The following TBC1D30 variants were observed in gnomAD, a reference collection of about 807,000 sequenced individuals.
TBC1D30 encodes TBC1 domain family, member 30.
In TBC1D30, 31 loss-of-function variants were observed where a neutral mutation model predicts 63.2. The observed-to-expected ratio is 0.49, with a 90% confidence interval of 0.37 to 0.66. The LOEUF is 0.66. Among genes scored for constraint, TBC1D30 ranks in the 30% least tolerant of loss-of-function variants. The pLI, the probability that TBC1D30 is intolerant of heterozygous loss-of-function variation, is 0.00. For missense variants in TBC1D30, 810 were observed against 953.6 expected, an observed-to-expected ratio of 0.85 and a Z score of 1.98; for synonymous variants, 307 against 361.5, an observed-to-expected ratio of 0.85 and a Z score of 1.71.
intron 8 of TBC1D30, among the ~76,000 whole-genome samples, chr12:64,852,107 AGT>A (rs1279587792): frequency 2.6e-5 from 4 of 152,250 alleles, no homozygotes; most frequent in South Asian, 4.1e-4. Context: ...TATCTTGAAG[AGT>A]GTTTTCCAAC....
intron 1 of TBC1D30, among the ~76,000 whole-genome samples, chr12:64,769,187 T>C (rs1349028404): frequency 2.6e-5 from 4 of 151,824 alleles, no homozygotes; most frequent in Non-Finnish European, 2.9e-5. Context: ...TTTTAGTACA[T>C]GTAGAACTGA....
chr12:64,767,531 A>C lies in TBC1D30; in HGVS notation c.-376+7882A>C, dbSNP rs561144439. The stretch of plus-strand genomic sequence containing the variant: ...TGTCCCTATCAGAAAAGAGGCTCAG[A>C]AACACTTCACATTCATACAGAATGA... On this transcript the variant is annotated intron_variant, in intron 1 of 13. Transcript: ENST00000674237. Among the ~76,000 whole-genome samples the C allele has an allele frequency of 8.5e-5, 13 of 152,272 alleles. No individual in the cohort carries two copies. The South Asian group carries it at 2.7e-3, about 32-fold the overall frequency.
chr12:64,816,372 C>G (rs1873536912), intron 2 of TBC1D30, among the ~76,000 whole-genome samples: 1 of 152,118 alleles, frequency 6.6e-6, no homozygotes, highest in Non-Finnish European at 1.5e-5. Context: ...AGTGTAATAC[C>G]TTGTAGAAAT....
chr12:64,870,884 G>C, intron 11 of TBC1D30, 76 bp downstream of exon 11: 1 of 1,437,148 alleles, frequency 7.0e-7, no homozygotes, highest in Non-Finnish European at 9.4e-7. Flanking sequence ...ATCCTAGGAA[G>C]GCCTTGGAAT....
At chr12:64,874,324 G>C (rs770145412) in intron 11 of TBC1D30, among the ~76,000 whole-genome samples, 3 of 152,204 alleles carry the variant, frequency 2.0e-5, no homozygotes, top group Non-Finnish European at 4.4e-5. Context: ...CTGGCCTCAA[G>C]TGATCCTCCT....
intron 2 of TBC1D30, among the ~76,000 whole-genome samples, chr12:64,810,475 C>T (rs1438531692): frequency 6.6e-6 from 1 of 152,048 alleles, no homozygotes; most frequent in South Asian, 2.1e-4. Context: ...TGGTAATGGG[C>T]GCCTGTAATC....
chr12:64,785,147 C>CTTTTT (rs3033154), intron 1 of TBC1D30, among the ~76,000 whole-genome samples: 3 of 134,844 alleles, frequency 2.2e-5, no homozygotes, highest in African/African-American at 2.8e-5. Context: ...ACTTTAAAGA[C>CTTTTT]TTTTTTTTTT....
chr12:64,876,193 T>G lies in TBC1D30; in HGVS notation c.*405T>G. 5.9e-6 allele frequency: 1 copy of G among 169,944 alleles called. No individual in the cohort carries two copies. Among genetic ancestry groups the G allele is most frequent in the Non-Finnish European group, 1.3e-5 (1 of 79,588 alleles). 10.5% of individuals were successfully genotyped at this position (169,944 alleles called of 1,614,324 possible). ...TGTTACTAATACTCAAGCATGCACA[T>G]ACCAGCTTGCTAGGACAGAAACTGT... On this transcript the variant is annotated 3_prime_UTR_variant, in exon 12 of 12. Coordinates refer to ENST00000539867, the MANE Select transcript of TBC1D30 (RefSeq NM_015279.2).
chr12:64,876,030 G>GC lies in TBC1D30; in HGVS notation c.*242_*243insC. On this transcript the variant is annotated 3_prime_UTR_variant, in exon 12 of 12. Coordinates refer to ENST00000539867, the MANE Select transcript of TBC1D30 (RefSeq NM_015279.2). The stretch of plus-strand genomic sequence containing the variant: ...GCAAAATAAATATTGTGGTTTTATA[G>GC]TGTGAAGTTTTCCCAATTTTTCATT... 1 of 448,238 alleles carries GC rather than the reference G, an allele frequency of 2.2e-6. No individual in the cohort carries two copies. The highest frequency in any genetic ancestry group is 3.9e-6 in the Non-Finnish European group (1 of 257,316). The allele number at this position is 448,238 out of a possible 1,614,324, so 27.8% of individuals were successfully genotyped here.
chr12:64,815,184 CCTTTT>C (rs1873448623), intron 2 of TBC1D30, among the ~76,000 whole-genome samples: 1 of 152,144 alleles, frequency 6.6e-6, no homozygotes, highest in African/African-American at 2.4e-5. Context: ...GTTAAATGTT[CCTTTT>C]GAGTCAATTT....
chr12:64,809,864 C>T (rs1163321537), intron 2 of TBC1D30, among the ~76,000 whole-genome samples: 1 of 152,138 alleles, frequency 6.6e-6, no homozygotes, highest in African/African-American at 2.4e-5. Flanking sequence ...TTATTAATAC[C>T]ACCCAGAAAA....
chr12:64,818,463 C>T (rs777720412), intron 2 of TBC1D30: 4 of 917,746 alleles, frequency 4.4e-6, no homozygotes, highest in South Asian at 5.0e-5. Flanking sequence ...TAGACAGTCT[C>T]GTGCTGTTGC....
At chr12:64,797,621 A>G (rs577827636) in intron 2 of TBC1D30, among the ~76,000 whole-genome samples, 34 of 152,032 alleles carry the variant, frequency 2.2e-4, no homozygotes, top group Admixed American at 3.9e-4. Flanking sequence ...ATCCTATGAT[A>G]TTTCTTTAGT....
chr12:64,791,306 T>C (rs932988322), intron 2 of TBC1D30, among the ~76,000 whole-genome samples: 2 of 152,152 alleles, frequency 1.3e-5, no homozygotes, highest in Non-Finnish European at 2.9e-5. Flanking sequence ...AGGTTTCTTA[T>C]TGGTGTGGTG....
chr12:64,833,817 G>A (rs753033011), intron 5 of TBC1D30, among the ~76,000 whole-genome samples: 3 of 151,536 alleles, frequency 2.0e-5, no homozygotes, highest in African/African-American at 7.3e-5. Context: ...ACTTTAAGAT[G>A]TTTTTTATTA....
rs1871248841 is a variant in TBC1D30, at chr12:64,781,032, C to CAA, written c.225_226dup (p.Ser76LysfsTer8). ...CCCGGCGAGGCGTGCGGCGGCCGCA[C>CAA]AAGCCGCACGGCGTCCCTGGTGAGC... On this transcript the variant is annotated frameshift_variant, in exon 1 of 13. Transcript: ENST00000542120. LOFTEE classifies it high-confidence loss of function. 40 of 1,027,182 alleles carry CAA rather than the reference C, an allele frequency of 3.9e-5. No individual in the cohort carries two copies. The highest frequency in any genetic ancestry group is 4.6e-5 in the Non-Finnish European group (39 of 853,510). The allele number at this position is 1,027,182 out of a possible 1,614,324, so 63.6% of individuals were successfully genotyped here.
chr12:64,825,138 G>T (rs954773056), intron 1 of TBC1D30, 105 bp downstream of exon 1: 22 of 1,409,352 alleles, frequency 1.6e-5, no homozygotes, highest in Non-Finnish European at 2.0e-5. Context: ...TCTGGGGAAA[G>T]TCCGCGTGCC....
chr12:64,864,594 A>C, intron 8 of TBC1D30, 74 bp from the exon 9 acceptor site: 1 of 1,034,320 alleles, frequency 9.7e-7, no homozygotes, highest in Admixed American at 2.0e-5. Flanking sequence ...ATAAAACTTT[A>C]ATGTCTTTCC....
chr12:64,838,573 A>T, intron 6 of TBC1D30, 110 bp from the exon 7 acceptor site: 1 of 1,060,670 alleles, frequency 9.4e-7, no homozygotes, highest in Non-Finnish European at 1.3e-6. Flanking sequence ...TGAAGAAATC[A>T]GTCAGGAAAT....
Sources: allele counts gnomAD v4.1 joint callset (sites outside exome capture counted in the v4.1 genomes callset), GRCh38; gene constraint gnomAD v4.1.1; transcripts MANE v1.5; gene names NCBI Gene and HGNC (gene_info 2026-07-23, HGNC 2026-07-21).